The following MYO3B variants were observed in gnomAD, a reference collection of about 807,000 sequenced individuals.
The protein encoded by MYO3B is myosin-IIIb.
A neutral mutation model predicts 174.6 loss-of-function variants in MYO3B; 156 were observed. The observed-to-expected ratio is 0.89, with a 90% CI of 0.78 to 1.02. The LOEUF (loss-of-function observed/expected upper bound fraction) is 1.02. MYO3B is among the 50% of genes least tolerant of loss of function. The probability of loss-of-function intolerance (pLI) is 0.00; values close to 1 mark genes in which losing one functional copy is unlikely to be tolerated. For missense variants in MYO3B, 1,632 were observed against 1,639.4 expected, an observed-to-expected ratio of 1.00 and a Z score of 0.08; for synonymous variants, 563 against 569.1, an observed-to-expected ratio of 0.99 and a Z score of 0.15.
chr2:170,491,150 T>C (rs1229084390), intron 25 of MYO3B, among the ~76,000 whole-genome samples: 2 of 152,202 alleles, frequency 1.3e-5, no homozygotes, highest in East Asian at 1.9e-4. Flanking sequence ...GGTGAGGTCA[T>C]GTATTTGAGA....
intron 34 of MYO3B, among the ~76,000 whole-genome samples, chr2:170,652,782 G>A (rs937854596): frequency 5.3e-5 from 8 of 152,092 alleles, no homozygotes; most frequent in South Asian, 2.1e-4. Flanking sequence ...ATCAGTGCAC[G>A]ACCCAAAGGT....
chr2:170,594,788 C>T (rs1300184428), intron 32 of MYO3B, among the ~76,000 whole-genome samples: 1 of 151,756 alleles, frequency 6.6e-6, no homozygotes. Flanking sequence ...TCTGGTTGTT[C>T]CAATCTGCCC....
intron 1 of MYO3B, among the ~76,000 whole-genome samples, chr2:170,178,768 A>G (rs886914987): frequency 2.0e-5 from 3 of 152,210 alleles, no homozygotes; most frequent in African/African-American, 7.2e-5. Flanking sequence ...AGGCAGCTAA[A>G]GCTAAGATAA....
chr2:170,472,534 T>C (rs1685034313), intron 25 of MYO3B, among the ~76,000 whole-genome samples: 2 of 152,146 alleles, frequency 1.3e-5, no homozygotes, highest in Admixed American at 1.3e-4. Flanking sequence ...GATACCCTCC[T>C]TGACTTTCCC....
intron 9 of MYO3B, among the ~76,000 whole-genome samples, chr2:170,381,367 A>G (rs1354179508): frequency 6.6e-6 from 1 of 152,188 alleles, no homozygotes; most frequent in East Asian, 1.9e-4. Flanking sequence ...CATTTTTATA[A>G]CTAAACATAC....
intron 3 of MYO3B, among the ~76,000 whole-genome samples, chr2:170,203,689 C>T (rs1214282213): frequency 1.3e-5 from 2 of 152,124 alleles, no homozygotes; most frequent in African/African-American, 2.4e-5. Context: ...ATCAGGTTAA[C>T]AAATCAGGGT....
chr2:170,392,562 T>C, intron 16 of MYO3B, 67 bp downstream of exon 16: 1 of 1,042,734 alleles, frequency 9.6e-7, no homozygotes, highest in Non-Finnish European at 1.3e-6. Context: ...AAAGATGTGG[T>C]ATTTCTCACT....
intron 14 of MYO3B, 102 bp downstream of exon 14, chr2:170,387,410 C>G (rs72874578): frequency 0.11 from 113,956 of 1,042,694 alleles, 7,045 homozygotes; most frequent in South Asian, 0.2. Flanking sequence ...TTAACATTCC[C>G]CTACCCTCCC....
At chr2:170,546,050 C>T (rs1690458907) in intron 32 of MYO3B, among the ~76,000 whole-genome samples, 1 of 152,190 alleles carries the variant, frequency 6.6e-6, no homozygotes, top group African/African-American at 2.4e-5. Flanking sequence ...CCAAACTATT[C>T]TCTATTCTCC....
At chr2:170,299,951 G>A (rs764565330) in intron 7 of MYO3B, among the ~76,000 whole-genome samples, 2 of 152,148 alleles carry the variant, frequency 1.3e-5, no homozygotes, top group South Asian at 2.1e-4. Context: ...TTGTAGCATC[G>A]CAGTGTAAGA....
chr2:170,281,951 T>A (rs566800510), intron 7 of MYO3B, among the ~76,000 whole-genome samples: 1 of 152,222 alleles, frequency 6.6e-6, no homozygotes, highest in Non-Finnish European at 1.5e-5. Context: ...TATGCCCACT[T>A]TTTAATGGAA....
intron 8 of MYO3B, among the ~76,000 whole-genome samples, chr2:170,356,831 G>A (rs1013029296): frequency 2.6e-5 from 4 of 152,036 alleles, no homozygotes; most frequent in African/African-American, 7.2e-5. Flanking sequence ...AGGCTGGAGT[G>A]CAGTGGTACA....
In MYO3B at chr2:170,178,815, A is replaced by T. The variant is rs145408506; in HGVS notation, c.2+526A>T. ...CTTTGGTGGGGAAATGAAAAATCTG[A>T]TCATTTAGTTAATCATTTGTAAGAG... On this transcript the variant is annotated intron_variant, in intron 1 of 34. Coordinates refer to ENST00000408978, the MANE Select transcript of MYO3B (RefSeq NM_138995.5). Among the ~76,000 whole-genome samples, 175 of 152,310 alleles carry T rather than the reference A, an allele frequency of 1.1e-3. 2 individuals are homozygous for T. The highest frequency in any genetic ancestry group is 4.1e-3 in the African/African-American group (169 of 41,568).
chr2:170,323,979 T>G (rs189420990), intron 7 of MYO3B, among the ~76,000 whole-genome samples: 1 of 152,220 alleles, frequency 6.6e-6, no homozygotes, highest in East Asian at 1.9e-4. Flanking sequence ...TGGTGAGAAA[T>G]TGGGGCCCAG....
intron 7 of MYO3B, among the ~76,000 whole-genome samples, chr2:170,306,533 A>G (rs2093701708): frequency 6.6e-6 from 1 of 152,150 alleles, no homozygotes. Flanking sequence ...AATTCAGACA[A>G]CCTGATCCTT....
intron 22 of MYO3B, among the ~76,000 whole-genome samples, chr2:170,427,016 T>C (rs946205907): frequency 6.4e-5 from 9 of 140,856 alleles, no homozygotes; most frequent in African/African-American, 1.8e-4. Context: ...AGACTCAGTC[T>C]CAAAAAAAAA....
Position 170,587,461 on chromosome 2 carries a change from A to G in MYO3B, c.3733+43473A>G, listed in dbSNP as rs181576163. ...AATAAAAGTGATTAAGAACCACTTA[A>G]TTACAAAGGTAGAAAGTCAGTGATG... On this transcript the variant is annotated intron_variant, in intron 32 of 34. Transcript: ENST00000408978. Among the ~76,000 whole-genome samples the G allele has an allele frequency of 3.3e-5, 5 of 152,370 alleles. No homozygotes were observed. In the East Asian group the frequency reaches 9.6e-4, roughly 29 times the overall value.
At position 170,401,461 on chromosome 2, in the gene MYO3B, A is replaced by C. The variant is rs1201435640; in HGVS notation, c.1919-20A>C. 5 of 1,610,578 alleles carry C rather than the reference A, an allele frequency of 3.1e-6. No homozygotes were observed. The highest frequency in any genetic ancestry group is 4.2e-6 in the Non-Finnish European group (5 of 1,177,054). Reference sequence around the variant, plus strand: ...TGAAGGTCTGGCTACATTCTGTGTTATCCTTACTCTTTGTTTCAGCTGCCT... The same window carrying C: ...TGAAGGTCTGGCTACATTCTGTGTTCTCCTTACTCTTTGTTTCAGCTGCCT... On this transcript the variant is annotated intron_variant, in intron 17 of 34. Coordinates refer to ENST00000408978, the MANE Select transcript of MYO3B (RefSeq NM_138995.5).
At chr2:170,198,210 G>A (rs1180187132) in intron 1 of MYO3B, among the ~76,000 whole-genome samples, 1 of 151,426 alleles carries the variant, frequency 6.6e-6, no homozygotes, top group Admixed American at 6.6e-5. Context: ...TAACGTCAAG[G>A]CCCACTTTAC....
Sources: allele counts gnomAD v4.1 joint callset (sites outside exome capture counted in the v4.1 genomes callset), GRCh38; gene constraint gnomAD v4.1.1; transcripts MANE v1.5; gene names NCBI Gene and HGNC (gene_info 2026-07-23, HGNC 2026-07-21).